The following GABBR2 variants were observed in gnomAD, a reference collection of about 807,000 sequenced individuals.
GABBR2 encodes gamma-aminobutyric acid type B receptor subunit 2.
Under a neutral mutation model 105.6 loss-of-function variants are expected in GABBR2, and 23 were observed. The ratio of observed to expected loss-of-function variants is 0.22; its 90% CI spans 0.16 to 0.31. The LOEUF is 0.31. Among genes scored for constraint, GABBR2 ranks in the 10% least tolerant of loss-of-function variants. GABBR2 has a pLI of 1.00. For synonymous variants in GABBR2, 478 were observed against 499.7 expected (o/e 0.96, Z 0.58); for missense variants, 734 against 1,245.5 (o/e 0.59, Z 6.18).
At chr9:98,583,502 G>A (rs887799488) in intron 1 of GABBR2, among the ~76,000 whole-genome samples, 1 of 152,204 alleles carries the variant, frequency 6.6e-6, no homozygotes, top group Non-Finnish European at 1.5e-5. Flanking sequence ...TTTAAAGCAG[G>A]CTTCATTGCT....
At chr9:98,401,751 T>C (rs1358771815) in intron 8 of GABBR2, among the ~76,000 whole-genome samples, 1 of 152,224 alleles carries the variant, frequency 6.6e-6, no homozygotes. Context: ...AGGGTCAAAC[T>C]AGCCCTGAAA....
chr9:98,487,594 G>C (rs1191789568), intron 4 of GABBR2, among the ~76,000 whole-genome samples: 1 of 149,528 alleles, frequency 6.7e-6, no homozygotes, highest in Non-Finnish European at 1.5e-5. Context: ...GGGAAACGTG[G>C]AGAAACCCTG....
At chr9:98,598,518 C>T (rs964247646) in intron 1 of GABBR2, among the ~76,000 whole-genome samples, 2 of 151,882 alleles carry the variant, frequency 1.3e-5, no homozygotes, top group Non-Finnish European at 2.9e-5. Context: ...GCATTGTTGT[C>T]TCTGTGTACA....
chr9:98,484,701 G>A (rs1248811514), intron 4 of GABBR2, among the ~76,000 whole-genome samples: 3 of 152,158 alleles, frequency 2.0e-5, no homozygotes, highest in Non-Finnish European at 2.9e-5. Context: ...GATATACTGC[G>A]TTCTCCTTTC....
At chr9:98,535,736 G>A (rs1023903094) in intron 3 of GABBR2, among the ~76,000 whole-genome samples, 2 of 152,070 alleles carry the variant, frequency 1.3e-5, no homozygotes, top group Non-Finnish European at 2.9e-5. Context: ...AAGACATGGC[G>A]GAAAGTTAAA....
At chr9:98,536,741 A>T (rs78107422) in intron 3 of GABBR2, among the ~76,000 whole-genome samples, 15,989 of 151,976 alleles carry the variant, frequency 0.11, 939 homozygotes, top group South Asian at 0.16. Context: ...ACAACCCTCC[A>T]GTTCCTTACC....
At chr9:98,516,986 G>C (rs1180984544) in intron 3 of GABBR2, among the ~76,000 whole-genome samples, 1 of 152,194 alleles carries the variant, frequency 6.6e-6, no homozygotes, top group African/African-American at 2.4e-5. Flanking sequence ...AGATTTGAGA[G>C]ACACCCTTTT....
At chr9:98,653,500 C>T (rs570468745) in intron 1 of GABBR2, among the ~76,000 whole-genome samples, 3 of 152,216 alleles carry the variant, frequency 2.0e-5, no homozygotes, top group African/African-American at 7.2e-5. Flanking sequence ...TAAGTTAGAG[C>T]GAGATTTAAA....
intron 2 of GABBR2, among the ~76,000 whole-genome samples, chr9:98,544,540 G>C (rs563841846): frequency 5.1e-4 from 77 of 152,290 alleles, no homozygotes; most frequent in African/African-American, 1.7e-3. Flanking sequence ...ACTAATGAGA[G>C]GGAAATTTCA....
At chr9:98,706,610 A>T (rs1294813214) in intron 1 of GABBR2, among the ~76,000 whole-genome samples, 2 of 152,200 alleles carry the variant, frequency 1.3e-5, no homozygotes, top group African/African-American at 4.8e-5. Context: ...CGAAGCACCC[A>T]TCTCTTTGCT....
intron 7 of GABBR2, among the ~76,000 whole-genome samples, chr9:98,421,817 T>C (rs1418127175): frequency 6.6e-6 from 1 of 152,110 alleles, no homozygotes; most frequent in East Asian, 1.9e-4. Context: ...TATGCCAAAA[T>C]CCATAAACAA....
chr9:98,405,803 G>A (rs1399869634), intron 8 of GABBR2, among the ~76,000 whole-genome samples: 1 of 152,230 alleles, frequency 6.6e-6, no homozygotes, highest in Non-Finnish European at 1.5e-5. Context: ...GGTACAGACG[G>A]AATCATCCAT....
intron 7 of GABBR2, among the ~76,000 whole-genome samples, chr9:98,444,008 T>C (rs1826077795): frequency 6.6e-6 from 1 of 152,362 alleles, no homozygotes; most frequent in East Asian, 1.9e-4. Flanking sequence ...CTTAAGAATA[T>C]GGACTTTGAG....
At chr9:98,603,398 G>A (rs868570219) in intron 1 of GABBR2, among the ~76,000 whole-genome samples, 1 of 152,172 alleles carries the variant, frequency 6.6e-6, no homozygotes, top group African/African-American at 2.4e-5. Context: ...ATTTAATATC[G>A]CTAATTACTT....
At chr9:98,485,071 GA>G (rs1432118705) in intron 4 of GABBR2, among the ~76,000 whole-genome samples, 1 of 152,204 alleles carries the variant, frequency 6.6e-6, no homozygotes, top group African/African-American at 2.4e-5. Context: ...CAAAGGACTG[GA>G]AACGTGGCAG....
chr9:98,453,937 T>C, intron 7 of GABBR2, 44 bp downstream of exon 7: 1 of 1,330,164 alleles, frequency 7.5e-7, no homozygotes, highest in East Asian at 2.3e-5. Context: ...TTTGCATGTT[T>C]ACAAGGAACA....
chr9:98,334,076 T>C (rs1831073242), intron 13 of GABBR2, among the ~76,000 whole-genome samples: 1 of 152,236 alleles, frequency 6.6e-6, no homozygotes, highest in Admixed American at 6.5e-5. Context: ...CCTAAGACAA[T>C]GCAGCTTTGT....
chr9:98,451,814 C>A (rs1022617177), intron 7 of GABBR2, among the ~76,000 whole-genome samples: 5 of 152,230 alleles, frequency 3.3e-5, no homozygotes, highest in Non-Finnish European at 4.4e-5. Flanking sequence ...TCCAGCCCAA[C>A]TAACTGTCCT....
At chr9:98,621,392 A>G (rs983244332) in intron 1 of GABBR2, among the ~76,000 whole-genome samples, 1 of 152,166 alleles carries the variant, frequency 6.6e-6, no homozygotes, top group Non-Finnish European at 1.5e-5. Flanking sequence ...GAGAACACAT[A>G]TCCTGTCTTA....
Sources: allele counts gnomAD v4.1 joint callset (sites outside exome capture counted in the v4.1 genomes callset), GRCh38; gene constraint gnomAD v4.1.1; transcripts MANE v1.5; gene names NCBI Gene and HGNC (gene_info 2026-07-23, HGNC 2026-07-21).